BTBD9: variants seen among roughly 807,000 people sequenced by gnomAD.
The protein encoded by BTBD9 is BTB/POZ domain-containing protein 9.
In BTBD9, 49 loss-of-function variants were observed where a neutral mutation model predicts 64.3. That is an observed-to-expected ratio of 0.76 (90% CI 0.61 to 0.97). The LOEUF (loss-of-function observed/expected upper bound fraction) is 0.97. Among genes scored for constraint, BTBD9 ranks in the 50% least tolerant of loss-of-function variants. BTBD9 has a pLI of 0.00. For synonymous variants in BTBD9, 260 were observed against 274.7 expected, an observed-to-expected ratio of 0.95 and a Z score of 0.53; for missense variants, 598 against 762.1, an observed-to-expected ratio of 0.78 and a Z score of 2.53.
At chr6:38,287,082 CAAAA>C (rs60618390) in intron 8 of BTBD9, among the ~76,000 whole-genome samples, 18 of 25,364 alleles carry the variant, frequency 7.1e-4, no homozygotes, top group Non-Finnish European at 8.4e-4. Flanking sequence ...GGCTCCATCT[CAAAA>C]AAAAAAAAAA....
chr6:38,237,975 T>A (rs1055906258), intron 9 of BTBD9, among the ~76,000 whole-genome samples: 2 of 152,214 alleles, frequency 1.3e-5, no homozygotes, highest in Admixed American at 1.3e-4. Context: ...CTGTCTCTAT[T>A]TAAAAAAAAT....
intron 1 of BTBD9, among the ~76,000 whole-genome samples, chr6:38,628,973 G>A (rs1449426056): frequency 6.6e-6 from 1 of 151,918 alleles, no homozygotes; most frequent in East Asian, 1.9e-4. Context: ...AAGGGGACAT[G>A]ATAGACAGAC....
chr6:38,612,480 C>T (rs772577008), intron 1 of BTBD9, among the ~76,000 whole-genome samples: 6 of 152,182 alleles, frequency 3.9e-5, no homozygotes, highest in East Asian at 1.9e-4. Context: ...ACACTCCCTT[C>T]GCAATCAACA....
intron 6 of BTBD9, among the ~76,000 whole-genome samples, chr6:38,452,527 C>T (rs1769605270): frequency 6.6e-6 from 1 of 151,512 alleles, no homozygotes; most frequent in African/African-American, 2.4e-5. Flanking sequence ...ATAATTTAGG[C>T]CTGAGTCCAT....
intron 6 of BTBD9, among the ~76,000 whole-genome samples, chr6:38,522,923 C>T (rs1426036299): frequency 6.6e-6 from 1 of 152,184 alleles, no homozygotes; most frequent in Non-Finnish European, 1.5e-5. Context: ...TGGTTCATGC[C>T]TGTAATCCCA....
At chr6:38,636,579 T>C (rs1582750329) in intron 1 of BTBD9, among the ~76,000 whole-genome samples, 1 of 152,316 alleles carries the variant, frequency 6.6e-6, no homozygotes, top group South Asian at 2.1e-4. Context: ...AATGTAGAGA[T>C]TTTAACATCT....
chr6:38,605,801 G>C (rs1777413095), intron 1 of BTBD9, among the ~76,000 whole-genome samples: 1 of 152,192 alleles, frequency 6.6e-6, no homozygotes, highest in African/African-American at 2.4e-5. Context: ...CTGGGTGACA[G>C]AGCAAGACCC....
intron 7 of BTBD9, among the ~76,000 whole-genome samples, chr6:38,342,736 C>T (rs1447455187): frequency 1.3e-5 from 2 of 152,106 alleles, no homozygotes; most frequent in African/African-American, 4.8e-5. Context: ...GTGATTTTGA[C>T]ATACCTGTAC....
rs374224941 is a variant in BTBD9, at chr6:38,290,084, C to CT, written c.1265-1624dup. On this transcript the variant is annotated intron_variant, in intron 7 of 10. Transcript: ENST00000481247. ...TTTTCCAAAGTTGGACATGCTTGTA[C>CT]TTAAGCCCTCATCTCGTATGCCTTC... Among the ~76,000 whole-genome samples the CT allele has an allele frequency of 5.4e-3, 821 of 150,808 alleles. 12 individuals carry two copies. The highest frequency in any genetic ancestry group is 0.019 in the African/African-American group (762 of 40,938).
intron 1 of BTBD9, among the ~76,000 whole-genome samples, chr6:38,608,722 T>TA (rs1343634691): frequency 2.6e-5 from 4 of 152,138 alleles, no homozygotes; most frequent in Non-Finnish European, 4.4e-5. Flanking sequence ...AATTGTAAAA[T>TA]AAAAAAAGAT....
intron 1 of BTBD9, 144 bp downstream of exon 1, chr6:38,639,656 A>T (rs1193900357): frequency 2.0e-5 from 3 of 151,914 alleles, no homozygotes; most frequent in Non-Finnish European, 2.9e-5. Flanking sequence ...GACCCTCGTC[A>T]GGCCCCGTCC....
At chr6:38,607,338 T>A (rs534604730) in intron 1 of BTBD9, among the ~76,000 whole-genome samples, 1 of 152,278 alleles carries the variant, frequency 6.6e-6, no homozygotes, top group Non-Finnish European at 1.5e-5. Context: ...TGACGATATA[T>A]GTCTTTCTAA....
chr6:38,305,545 C>A (rs1291434929), intron 7 of BTBD9, among the ~76,000 whole-genome samples: 1 of 152,282 alleles, frequency 6.6e-6, no homozygotes, highest in Middle Eastern at 3.4e-3. Flanking sequence ...TGCAGTGGCA[C>A]GGTCTCAACT....
intron 9 of BTBD9, among the ~76,000 whole-genome samples, chr6:38,237,522 C>T (rs16890468): frequency 0.034 from 5,109 of 152,212 alleles, 158 homozygotes; most frequent in Admixed American, 0.1. Flanking sequence ...TACCAGGGCT[C>T]CCATCAACAT....
intron 6 of BTBD9, among the ~76,000 whole-genome samples, chr6:38,388,227 A>G (rs1012898345): frequency 6.6e-6 from 1 of 152,000 alleles, no homozygotes; most frequent in Admixed American, 6.6e-5. Context: ...GACAAAAAAA[A>G]AAAAAAAAAG....
chr6:38,192,424 G>T, intron 10 of BTBD9, 95 bp downstream of exon 10: 1 of 1,131,686 alleles, frequency 8.8e-7, no homozygotes, highest in Non-Finnish European at 1.3e-6. Context: ...CAGGCCATTA[G>T]CAGGCAGAAC....
chr6:38,294,209 C>A (rs894069137), intron 7 of BTBD9, among the ~76,000 whole-genome samples: 24 of 152,282 alleles, frequency 1.6e-4, no homozygotes, highest in African/African-American at 4.6e-4. Context: ...AACACTTTTA[C>A]ACTGTTGGTG....
intron 10 of BTBD9, among the ~76,000 whole-genome samples, chr6:38,180,763 G>T (rs1263399665): frequency 6.6e-6 from 1 of 152,234 alleles, no homozygotes; most frequent in Non-Finnish European, 1.5e-5. Flanking sequence ...TAGCCTGTTT[G>T]ATTGCCGCTG....
chr6:38,505,938 C>T (rs1772474687), intron 6 of BTBD9, among the ~76,000 whole-genome samples: 1 of 131,764 alleles, frequency 7.6e-6, no homozygotes, highest in Non-Finnish European at 1.6e-5. Flanking sequence ...GCATTCCAGC[C>T]TGGCAACAGC....
Sources: gnomAD v4.1 joint callset for allele counts (sites outside exome capture counted in the v4.1 genomes callset) on GRCh38, gnomAD v4.1.1 for gene constraint, MANE v1.5 for transcripts, NCBI Gene and HGNC (gene_info 2026-07-23, HGNC 2026-07-21) for gene names.